The following MAGI1 variants were observed in gnomAD, a reference collection of about 807,000 sequenced individuals.
MAGI1 encodes membrane associated guanylate kinase, WW and PDZ domain containing 1, also known as membrane-associated guanylate kinase, WW and PDZ domain-containing protein 1.
MAGI1 carries 58 observed loss-of-function variants against 139.9 expected under a neutral mutation model. That is an observed-to-expected ratio of 0.41 (90% CI 0.34 to 0.52). MAGI1 has a LOEUF of 0.52. MAGI1 is among the 20% of genes least tolerant of loss of function. The probability of loss-of-function intolerance (pLI) is 0.12; values close to 1 mark genes in which losing one functional copy is unlikely to be tolerated. For synonymous variants in MAGI1, 812 were observed against 737.9 expected, an observed-to-expected ratio of 1.10 and a Z score of -1.63; for missense variants, 1,874 against 1,901.6, an observed-to-expected ratio of 0.99 and a Z score of 0.27.
chr3:65,647,835 G>A (rs1244026770), intron 1 of MAGI1, among the ~76,000 whole-genome samples: 1 of 152,150 alleles, frequency 6.6e-6, no homozygotes, highest in Non-Finnish European at 1.5e-5. Context: ...CCCTACATCT[G>A]ACGTAATAAT....
chr3:65,976,467 T>TA (rs1214254810), intron 1 of MAGI1, among the ~76,000 whole-genome samples: 1 of 152,030 alleles, frequency 6.6e-6, no homozygotes, highest in Non-Finnish European at 1.5e-5. Context: ...CTGTCTCTAC[T>TA]AAAAATACAA....
chr3:65,384,780 G>GGTGTGTGT (rs3072935), intron 14 of MAGI1, among the ~76,000 whole-genome samples: 11 of 147,932 alleles, frequency 7.4e-5, no homozygotes, highest in East Asian at 4.0e-4. Context: ...TATAGGAAGG[G>GGTGTGTGT]GTGTGTGTGT....
intron 1 of MAGI1, among the ~76,000 whole-genome samples, chr3:65,852,071 G>A (rs991810091): frequency 6.6e-6 from 1 of 152,176 alleles, no homozygotes; most frequent in African/African-American, 2.4e-5. Flanking sequence ...AAGGAATTGT[G>A]GGCCCAAGGC....
At chr3:65,868,492 A>T (rs2059807491) in intron 1 of MAGI1, among the ~76,000 whole-genome samples, 1 of 152,160 alleles carries the variant, frequency 6.6e-6, no homozygotes, top group African/African-American at 2.4e-5. Flanking sequence ...CCTTCTAGAC[A>T]GACTCCCTGC....
At chr3:65,374,967 C>A (rs1313043198) in intron 18 of MAGI1, among the ~76,000 whole-genome samples, 1 of 152,082 alleles carries the variant, frequency 6.6e-6, no homozygotes, top group African/African-American at 2.4e-5. Context: ...TTAGATTCTC[C>A]CATTAAATGA....
rs151330009 is a variant in MAGI1 at position 65,629,813 on chromosome 3, G to A, written c.314-7725C>T. Among the ~76,000 whole-genome samples the A allele has an allele frequency of 1.1e-3, 162 of 152,130 alleles. 1 individual carries two copies. Among genetic ancestry groups the A allele is most frequent in the African/African-American group, 2.6e-3 (109 of 41,470 alleles). Reference sequence around the variant, plus strand: ...TGGAGAGTTACCCTTTAATGGGTGCGGAGTTTCACTTGTGGATGCTGAAAA... The same window carrying A: ...TGGAGAGTTACCCTTTAATGGGTGCAGAGTTTCACTTGTGGATGCTGAAAA... On this transcript the variant is annotated intron_variant, in intron 1 of 22. Transcript: ENST00000402939.
Position 65,675,896 on chromosome 3 carries a change from C to G in MAGI1, c.314-53808G>C, listed in dbSNP as rs191263003. 5.9e-5 allele frequency among the ~76,000 whole-genome samples: 9 copies of G among 152,250 alleles called. No homozygotes were observed. In the East Asian group the frequency reaches 1.7e-3, roughly 29 times the overall value. On this transcript the variant is annotated intron_variant, in intron 1 of 22. Transcript: ENST00000402939. The stretch of plus-strand genomic sequence containing the variant: ...GCTCTTACTGAGAAATGCTAGAGCA[C>G]AAACAGGGATGATTTAATGGATTTT...
intron 2 of MAGI1, among the ~76,000 whole-genome samples, chr3:65,506,097 T>C (rs1013675373): frequency 6.6e-6 from 1 of 152,142 alleles, no homozygotes; most frequent in Non-Finnish European, 1.5e-5. Flanking sequence ...AGAATGGCAG[T>C]CCAGAGAAAC....
At chr3:65,597,613 C>T in intron 2 of MAGI1, 1 of 442,266 alleles carries the variant, frequency 2.3e-6, no homozygotes, top group Non-Finnish European at 4.6e-6. Context: ...CCCGCCCCTC[C>T]TCCCTGGTCC....
intron 12 of MAGI1, among the ~76,000 whole-genome samples, chr3:65,424,138 T>C (rs1322235217): frequency 2.0e-5 from 3 of 152,204 alleles, no homozygotes; most frequent in Non-Finnish European, 4.4e-5. Flanking sequence ...TGTATGTGTA[T>C]TGCATGTATC....
chr3:65,449,463 A>AG (rs900033662), intron 6 of MAGI1, among the ~76,000 whole-genome samples: 4 of 152,162 alleles, frequency 2.6e-5, no homozygotes, highest in African/African-American at 9.7e-5. Flanking sequence ...TCACTGTGCT[A>AG]GGTGACATAT....
At chr3:65,806,356 G>A (rs771530292) in intron 1 of MAGI1, among the ~76,000 whole-genome samples, 1 of 151,986 alleles carries the variant, frequency 6.6e-6, no homozygotes, top group South Asian at 2.1e-4. Flanking sequence ...TTGAACATGG[G>A]AGGCAGAGGT....
At chr3:65,594,148 G>T (rs2082084956) in intron 2 of MAGI1, among the ~76,000 whole-genome samples, 1 of 152,144 alleles carries the variant, frequency 6.6e-6, no homozygotes, top group South Asian at 2.1e-4. Flanking sequence ...AGCAGCTCAA[G>T]GACTGTATTT....
chr3:65,395,408 G>A (rs547365157), intron 13 of MAGI1, among the ~76,000 whole-genome samples: 1 of 151,628 alleles, frequency 6.6e-6, no homozygotes, highest in South Asian at 2.1e-4. Context: ...TTGGGAGGCC[G>A]AGGAACACAA....
At chr3:65,637,387 T>TAA (rs1052537353) in intron 1 of MAGI1, among the ~76,000 whole-genome samples, 2 of 151,362 alleles carry the variant, frequency 1.3e-5, no homozygotes, top group African/African-American at 4.9e-5. Flanking sequence ...ACCCTGTCTC[T>TAA]AAAAAAAATG....
chr3:65,804,801 A>G (rs1419493447), intron 1 of MAGI1, among the ~76,000 whole-genome samples: 2 of 152,150 alleles, frequency 1.3e-5, no homozygotes, highest in African/African-American at 4.8e-5. Context: ...CAACCATCTG[A>G]TCTTTGACAA....
chr3:65,689,010 G>C (rs2088321497), intron 1 of MAGI1, among the ~76,000 whole-genome samples: 1 of 152,146 alleles, frequency 6.6e-6, no homozygotes, highest in Non-Finnish European at 1.5e-5. Context: ...CCTCGACTAT[G>C]ATTTTTGTGC....
At chr3:65,961,774 A>T (rs1476646034) in intron 1 of MAGI1, among the ~76,000 whole-genome samples, 1 of 152,186 alleles carries the variant, frequency 6.6e-6, no homozygotes, top group East Asian at 1.9e-4. Flanking sequence ...TTCAAGAAAC[A>T]AACTTTCCAA....
intron 1 of MAGI1, among the ~76,000 whole-genome samples, chr3:65,985,554 T>C (rs1174087776): frequency 6.6e-5 from 10 of 152,344 alleles, no homozygotes; most frequent in Admixed American, 3.3e-4. Context: ...TTGAACATTT[T>C]TGAAATAAGG....
Sources: gnomAD v4.1 joint callset for allele counts (sites outside exome capture counted in the v4.1 genomes callset) on GRCh38, gnomAD v4.1.1 for gene constraint, MANE v1.5 for transcripts, NCBI Gene and HGNC (gene_info 2026-07-23, HGNC 2026-07-21) for gene names.